SLC22A23: variants seen among roughly 807,000 people sequenced by gnomAD.
SLC22A23 encodes ion transporter protein.
A neutral mutation model predicts 61.0 loss-of-function variants in SLC22A23; 26 were observed. The ratio of observed to expected loss-of-function variants is 0.43; its 90% CI spans 0.31 to 0.59. The LOEUF (loss-of-function observed/expected upper bound fraction) is 0.59. Among genes scored for constraint, SLC22A23 ranks in the 20% least tolerant of loss-of-function variants. The pLI is 0.11. For synonymous variants in SLC22A23, 430 were observed against 413.9 expected, an observed-to-expected ratio of 1.04 and a Z score of -0.47; for missense variants, 796 against 934.7, an observed-to-expected ratio of 0.85 and a Z score of 1.94.
intron 3 of SLC22A23, among the ~76,000 whole-genome samples, chr6:3,352,072 G>C (rs570333137): frequency 2.0e-4 from 30 of 151,766 alleles, no homozygotes; most frequent in Middle Eastern, 3.4e-3. Context: ...TCCCCAGGCA[G>C]GGCTGCTGGA....
intron 4 of SLC22A23, among the ~76,000 whole-genome samples, chr6:3,310,596 A>G (rs1393328010): frequency 6.6e-6 from 1 of 152,242 alleles, no homozygotes; most frequent in Non-Finnish European, 1.5e-5. Context: ...TCTGTTTTAC[A>G]TCTTAGTCCC....
intron 3 of SLC22A23, among the ~76,000 whole-genome samples, chr6:3,336,015 G>A (rs1221510644): frequency 1.3e-5 from 2 of 152,092 alleles, no homozygotes; most frequent in Admixed American, 6.5e-5. Flanking sequence ...CGTGAACCCA[G>A]GAGGTGGAGC....
intron 8 of SLC22A23, 27 bp downstream of exon 8, chr6:3,285,052 A>G (rs10793841): frequency 0.8 from 1,289,253 of 1,610,812 alleles, 536,184 homozygotes; most frequent in Non-Finnish European, 0.86. Context: ...GAGACGAGGA[A>G]GCACAGCCCA....
Position 3,289,763 on chromosome 6 carries a change from C to T in SLC22A23, c.1313+1G>A, listed in dbSNP as rs369575802. On this transcript the variant is annotated splice_donor_variant, in intron 6 of 9. Transcript: ENST00000406686. LOFTEE classifies it high-confidence loss of function. ...GCTGGCACTTGTCCTCTGTGACTCA[C>T]GAGTTCACACACAGGACCACAATGT... 1.2e-6 allele frequency: 2 copies of T among 1,612,526 alleles called. No individual in the cohort carries two copies. Among genetic ancestry groups the T allele is most frequent in the Non-Finnish European group, 8.5e-7 (1 of 1,178,916 alleles).
chr6:3,437,606 G>A (rs939983644), intron 1 of SLC22A23, among the ~76,000 whole-genome samples: 7 of 151,706 alleles, frequency 4.6e-5, no homozygotes, highest in African/African-American at 1.5e-4. Flanking sequence ...GGAGAATGGC[G>A]TGAACCCAGG....
chr6:3,436,076 A>AG (rs1771188856), intron 1 of SLC22A23, among the ~76,000 whole-genome samples: 1 of 152,204 alleles, frequency 6.6e-6, no homozygotes. Flanking sequence ...AAGCCAGGGC[A>AG]GAGGATGACC....
At chr6:3,445,244 G>A (rs1771834540) in intron 1 of SLC22A23, among the ~76,000 whole-genome samples, 1 of 152,024 alleles carries the variant, frequency 6.6e-6, no homozygotes, top group Non-Finnish European at 1.5e-5. Flanking sequence ...TGTCCCCCAG[G>A]CTGGAGTGCA....
rs1760052209 is a variant in SLC22A23, at chr6:3,286,797, A to G, written c.1546+62T>C. 3 of 1,408,646 alleles carry G rather than the reference A, an allele frequency of 2.1e-6. No homozygotes were observed. Among genetic ancestry groups the G allele is most frequent in the Non-Finnish European group, 2.9e-6 (3 of 1,021,024 alleles). 87.3% of individuals were successfully genotyped at this position (1,408,646 alleles called of 1,614,324 possible). On this transcript the variant is annotated intron_variant, in intron 7 of 9. Transcript: ENST00000406686. The surrounding 1 kb of genome is among the most constrained non-coding windows in gnomAD (Gnocchi z 4.2). ...GCGGAGTCTTATGCAGCCCTTTCAA[A>G]TGCCCTTGGGGATCTGCCAGCTTCC...
At chr6:3,313,923 G>A (rs1762494415) in intron 4 of SLC22A23, among the ~76,000 whole-genome samples, 2 of 152,218 alleles carry the variant, frequency 1.3e-5, no homozygotes, top group Admixed American at 6.5e-5. Context: ...CAGCTACAGG[G>A]GAGGCTGAGG....
intron 3 of SLC22A23, among the ~76,000 whole-genome samples, chr6:3,338,634 T>C (rs1053823084): frequency 6.6e-6 from 1 of 152,254 alleles, no homozygotes; most frequent in Admixed American, 6.5e-5. Flanking sequence ...GTCAGTTTTA[T>C]TGGCAGGGTC....
chr6:3,399,429 T>C (rs534321069), intron 3 of SLC22A23, among the ~76,000 whole-genome samples: 20 of 152,160 alleles, frequency 1.3e-4, no homozygotes, highest in Admixed American at 2.6e-4. Context: ...CAAGCAGCCA[T>C]TCATGTCCAT....
At position 3,456,886 on chromosome 6, in the gene SLC22A23, C is replaced by A. The variant is rs1772435854; in HGVS notation, c.-327G>T. ...CCGCTCTCCGCTGCTCCGCGCCGGA[C>A]GCGGCAGGAGGAGGAGCCGGCGCCG... On this transcript the variant is annotated 5_prime_UTR_variant, in exon 1 of 10. Coordinates refer to ENST00000406686, the MANE Select transcript of SLC22A23 (RefSeq NM_015482.2). This position sits in a 1 kb window ranked among gnomAD's most constrained non-coding sequence, Gnocchi z 7.1. 6.8e-6 allele frequency: 1 copy of A among 147,958 alleles called. No individual in the cohort carries two copies. The highest frequency in any genetic ancestry group is 1.5e-5 in the Non-Finnish European group (1 of 66,344). The allele number at this position is 147,958 out of a possible 1,614,324, so 9.2% of individuals were successfully genotyped here.
chr6:3,270,216 G>A lies in SLC22A23; in HGVS notation c.*2839C>T, dbSNP rs1264265684. On this transcript the variant is annotated 3_prime_UTR_variant, in exon 10 of 10. Coordinates refer to ENST00000406686, the MANE Select transcript of SLC22A23 (RefSeq NM_015482.2). The stretch of plus-strand genomic sequence containing the variant: ...GGTGGGAGGGTCAAGTTGAAACAGT[G>A]GGTGCCTGCGAAGGGTCTCCCTATT... 1.3e-5 allele frequency: 2 copies of A among 152,370 alleles called. No homozygotes were observed. Among genetic ancestry groups the A allele is most frequent in the Non-Finnish European group, 2.9e-5 (2 of 68,104 alleles). The allele number at this position is 152,370 out of a possible 1,614,324, so 9.4% of individuals were successfully genotyped here. A position where few individuals can be genotyped will look rare whatever the true frequency, so the allele number is the denominator to read the frequency against.
At chr6:3,352,377 A>G (rs1764824232) in intron 3 of SLC22A23, among the ~76,000 whole-genome samples, 1 of 152,078 alleles carries the variant, frequency 6.6e-6, no homozygotes. Context: ...ACAGACATGC[A>G]CAGACACACT....
In SLC22A23 at chr6:3,271,856, C is replaced by T. The variant is rs1025526097; in HGVS notation, c.*1199G>A. The T allele has an allele frequency of 2.6e-5, 4 of 152,422 alleles. No individual in the cohort carries two copies. Among genetic ancestry groups the T allele is most frequent in the African/African-American group, 9.6e-5 (4 of 41,472 alleles). The allele number at this position is 152,422 out of a possible 1,614,324, so 9.4% of individuals were successfully genotyped here. ...GCTTTGGTGAGTTATTGCTTTCTTT[C>T]AATTTGTCTTGATGCCTTCGAGAGG... On this transcript the variant is annotated 3_prime_UTR_variant, in exon 10 of 10. Coordinates refer to ENST00000406686, the MANE Select transcript of SLC22A23 (RefSeq NM_015482.2).
At chr6:3,319,589 T>C (rs1375606205) in intron 4 of SLC22A23, among the ~76,000 whole-genome samples, 1 of 152,182 alleles carries the variant, frequency 6.6e-6, no homozygotes, top group Non-Finnish European at 1.5e-5. Flanking sequence ...CATAAGGCAG[T>C]GTGGCTGCTT....
At position 3,276,406 on chromosome 6, in the gene SLC22A23, G is replaced by A. The variant is rs111274452; in HGVS notation, c.1704-2994C>T. Among the ~76,000 whole-genome samples the A allele has an allele frequency of 1.1e-3, 165 of 152,070 alleles. 3 individuals carry two copies. The highest frequency in any genetic ancestry group is 3.8e-3 in the African/African-American group (159 of 41,562). On this transcript the variant is annotated intron_variant, in intron 9 of 9. Transcript: ENST00000406686. ...GCCGCCTGGGTCTGCGCTCCTCCCT[G>A]GCGCATCTTCTGCACCCCCTAGACT...
intron 1 of SLC22A23, among the ~76,000 whole-genome samples, chr6:3,418,544 T>A (rs1769894486): frequency 6.6e-6 from 1 of 152,130 alleles, no homozygotes; most frequent in South Asian, 2.1e-4. Flanking sequence ...ATGAACACAG[T>A]GGAGGGAGAC....
At chr6:3,412,160 C>G (rs113743309) in intron 2 of SLC22A23, among the ~76,000 whole-genome samples, 5 of 152,314 alleles carry the variant, frequency 3.3e-5, no homozygotes, top group African/African-American at 1.2e-4. Flanking sequence ...GTCCCTGATG[C>G]CTACCAAACA....
Sources: allele counts gnomAD v4.1 joint callset (sites outside exome capture counted in the v4.1 genomes callset), GRCh38; gene constraint gnomAD v4.1.1; non-coding constraint Gnocchi (gnomAD v3.1); transcripts MANE v1.5; gene names NCBI Gene and HGNC (gene_info 2026-07-23, HGNC 2026-07-21).